The following GRIK1 variants were observed in gnomAD, a reference collection of about 807,000 sequenced individuals.
GRIK1 encodes the protein glutamate receptor ionotropic, kainate 1.
In GRIK1, 69 loss-of-function variants were observed where a neutral mutation model predicts 105.7. The observed-to-expected ratio is 0.65, with a 90% CI of 0.54 to 0.80. The LOEUF (loss-of-function observed/expected upper bound fraction) is 0.80, where lower values mean the gene tolerates loss of function less well. GRIK1 is among the 30% of genes least tolerant of loss of function. GRIK1 has a pLI of 0.00. For synonymous variants in GRIK1, 438 were observed against 431.3 expected (o/e 1.02, Z -0.19); for missense variants, 1,109 against 1,167.3 (o/e 0.95, Z 0.73).
intron 1 of GRIK1, among the ~76,000 whole-genome samples, chr21:29,905,022 C>T (rs455343): frequency 0.22 from 33,499 of 152,042 alleles, 4,198 homozygotes; most frequent in African/African-American, 0.34. Flanking sequence ...TCTGAGCCTC[C>T]GAGCGGTCTC....
intron 13 of GRIK1, among the ~76,000 whole-genome samples, chr21:29,578,533 C>T (rs1414251313): frequency 1.3e-5 from 2 of 152,156 alleles, no homozygotes; most frequent in African/African-American, 2.4e-5. Flanking sequence ...TTTGAATTAA[C>T]GGATATATTC....
At chr21:29,864,776 T>A (rs2068750367) in intron 1 of GRIK1, among the ~76,000 whole-genome samples, 1 of 152,206 alleles carries the variant, frequency 6.6e-6, no homozygotes, top group Non-Finnish European at 1.5e-5. Flanking sequence ...CTTAAGTATG[T>A]GGAACTAGAA....
intron 1 of GRIK1, among the ~76,000 whole-genome samples, chr21:29,799,003 A>G (rs2066631742): frequency 6.6e-6 from 1 of 152,198 alleles, no homozygotes; most frequent in Non-Finnish European, 1.5e-5. Flanking sequence ...GATTACCTCC[A>G]GATAATACTA....
At chr21:29,676,270 A>G (rs1373577463) in intron 3 of GRIK1, among the ~76,000 whole-genome samples, 1 of 152,196 alleles carries the variant, frequency 6.6e-6, no homozygotes, top group East Asian at 1.9e-4. Context: ...CAGCAGATTT[A>G]AAGATTAGGG....
At chr21:29,831,991 A>T (rs1462524511) in intron 1 of GRIK1, among the ~76,000 whole-genome samples, 1 of 152,222 alleles carries the variant, frequency 6.6e-6, no homozygotes, top group Admixed American at 6.5e-5. Flanking sequence ...GGGTACAGGC[A>T]TTGGGTATAC....
At chr21:29,896,111 T>C (rs463360) in intron 1 of GRIK1, among the ~76,000 whole-genome samples, 33,747 of 152,102 alleles carry the variant, frequency 0.22, 4,291 homozygotes, top group African/African-American at 0.35. Context: ...GAGAAGAAAA[T>C]GCTGCTGAGT....
At chr21:29,842,213 T>C (rs1040479057) in intron 1 of GRIK1, among the ~76,000 whole-genome samples, 6 of 152,186 alleles carry the variant, frequency 3.9e-5, no homozygotes, top group Non-Finnish European at 5.9e-5. Context: ...TTATGTATTT[T>C]TTTTTGGTTT....
intron 1 of GRIK1, among the ~76,000 whole-genome samples, chr21:29,729,261 G>A (rs2064549214): frequency 6.6e-6 from 1 of 152,100 alleles, no homozygotes; most frequent in Admixed American, 6.6e-5. Flanking sequence ...GGTTGAGGCT[G>A]GGCATTTCTT....
intron 1 of GRIK1, among the ~76,000 whole-genome samples, chr21:29,861,945 T>C (rs1447639212): frequency 6.6e-6 from 1 of 152,156 alleles, no homozygotes; most frequent in Non-Finnish European, 1.5e-5. Flanking sequence ...AATTTTTAAT[T>C]TTGTATTGTC....
At chr21:29,824,722 G>T (rs186802309) in intron 1 of GRIK1, among the ~76,000 whole-genome samples, 1 of 151,990 alleles carries the variant, frequency 6.6e-6, no homozygotes, top group Non-Finnish European at 1.5e-5. Flanking sequence ...GACGAGAATC[G>T]AGATGGTTCA....
At chr21:29,756,630 A>T (rs1228538309) in intron 1 of GRIK1, among the ~76,000 whole-genome samples, 2 of 152,154 alleles carry the variant, frequency 1.3e-5, no homozygotes, top group African/African-American at 4.8e-5. Flanking sequence ...GAATACCAGG[A>T]TGGAAATAAC....
intron 4 of GRIK1, among the ~76,000 whole-genome samples, chr21:29,667,911 C>T (rs1157588733): frequency 3.9e-5 from 6 of 152,182 alleles, no homozygotes; most frequent in Non-Finnish European, 7.3e-5. Context: ...AAATGCATTA[C>T]GGTTTCTTAA....
chr21:29,756,148 G>A (rs564639960), intron 1 of GRIK1, among the ~76,000 whole-genome samples: 4 of 152,294 alleles, frequency 2.6e-5, no homozygotes, highest in African/African-American at 7.2e-5. Context: ...TTGGGAGGCC[G>A]AGGCGGGCGG....
intron 1 of GRIK1, among the ~76,000 whole-genome samples, chr21:29,808,820 C>T (rs2066931967): frequency 6.6e-6 from 1 of 152,106 alleles, no homozygotes; most frequent in African/African-American, 2.4e-5. Context: ...TTTCCTTAGC[C>T]CCCCATGTTT....
At chr21:29,823,138 T>C (rs2067351164) in intron 1 of GRIK1, among the ~76,000 whole-genome samples, 1 of 152,000 alleles carries the variant, frequency 6.6e-6, no homozygotes, top group African/African-American at 2.4e-5. Context: ...AAATAAAATA[T>C]GCGAACATGA....
At chr21:29,842,714 A>G (rs1213305833) in intron 1 of GRIK1, among the ~76,000 whole-genome samples, 4 of 152,206 alleles carry the variant, frequency 2.6e-5, no homozygotes, top group Non-Finnish European at 5.9e-5. Flanking sequence ...ACAAGTCGAC[A>G]TTAACTTTTT....
chr21:29,795,731 T>A (rs965204589), intron 1 of GRIK1, among the ~76,000 whole-genome samples: 1 of 152,248 alleles, frequency 6.6e-6, no homozygotes, highest in African/African-American at 2.4e-5. Flanking sequence ...GATGACTCTG[T>A]GAACAGATAA....
At chr21:29,654,916 G>T in intron 4 of GRIK1, 53 bp from the exon 5 acceptor site, 1 of 1,064,586 alleles carries the variant, frequency 9.4e-7, no homozygotes. Flanking sequence ...TAATAAGAAT[G>T]GGATAATTTC....
intron 12 of GRIK1, among the ~76,000 whole-genome samples, chr21:29,585,279 T>C (rs923778764): frequency 1.3e-5 from 2 of 151,994 alleles, no homozygotes; most frequent in African/African-American, 4.8e-5. Flanking sequence ...GAGGTCTGGG[T>C]CACCAAGAGC....
Sources: allele counts gnomAD v4.1 joint callset (sites outside exome capture counted in the v4.1 genomes callset), GRCh38; gene constraint gnomAD v4.1.1; transcripts MANE v1.5; gene names NCBI Gene and HGNC (gene_info 2026-07-23, HGNC 2026-07-21).